The following TESPA1 variants were observed in gnomAD, a reference collection of about 807,000 sequenced individuals.
TESPA1 encodes the protein thymocyte expressed, positive selection associated 1.
A neutral mutation model predicts 57.9 loss-of-function variants in TESPA1; 33 were observed. That is an observed-to-expected ratio of 0.57 (90% CI 0.43 to 0.76). The LOEUF (loss-of-function observed/expected upper bound fraction) is 0.76. TESPA1 is among the 30% of genes least tolerant of loss of function. TESPA1 has a pLI of 0.00. For synonymous variants in TESPA1, 227 were observed against 228.9 expected (o/e 0.99, Z 0.07); for missense variants, 618 against 632.9 (o/e 0.98, Z 0.25).
In TESPA1 at chr12:54,962,860, G is replaced by C. The variant is rs1053164573; in HGVS notation, c.1038C>G (p.Pro346=). ...LGQFSQEDPV[P]PAEGKKLPTS... ...TGGGCAACTTCTTACCCTCAGCAGG[G>C]GGCACAGGATCTTCCTGTGAGAATT... The change falls in exon 9 of 11, where the codon CCC becomes CCG. Residue 346 remains proline (P), a synonymous_variant. Coordinates refer to ENST00000449076, the MANE Select transcript of TESPA1 (RefSeq NM_001136030.3). The C allele has an allele frequency of 6.2e-7, 1 of 1,613,600 alleles. No individual in the cohort carries two copies.
At chr12:54,957,166 T>C (rs931384637) in intron 10 of TESPA1, among the ~76,000 whole-genome samples, 8 of 152,184 alleles carry the variant, frequency 5.3e-5, no homozygotes, top group African/African-American at 1.9e-4. Flanking sequence ...AGTTTTTGGA[T>C]GGCAAGCTCA....
At chr12:54,963,983 A>C (rs927242548) in intron 7 of TESPA1, 33 bp from the exon 8 acceptor site, 1 of 1,596,392 alleles carries the variant, frequency 6.3e-7, no homozygotes, top group African/African-American at 1.3e-5. Context: ...AATAAGGGAC[A>C]ACTTTGAGAC....
intron 1 of TESPA1, among the ~76,000 whole-genome samples, chr12:54,976,329 A>G (rs1202603583): frequency 6.6e-6 from 1 of 152,212 alleles, no homozygotes; most frequent in African/African-American, 2.4e-5. Flanking sequence ...GTGATCCAAA[A>G]TATTTAAGAG....
intron 10 of TESPA1, among the ~76,000 whole-genome samples, chr12:54,955,466 AT>A (rs368831981): frequency 6.6e-6 from 1 of 151,910 alleles, no homozygotes; most frequent in African/African-American, 2.4e-5. Context: ...TATGAGGTTT[AT>A]TTTTTTCTTT....
chr12:54,961,092 TAA>T lies in TESPA1; in HGVS notation c.*1+74_*1+75del, dbSNP rs5798332. ...AATGTGGGACCCTTTATTATGGGTT[TAA>T]AAAAAAAAAACCTTCCTCATTTGAT... On this transcript the variant is annotated intron_variant, in intron 10 of 10. Transcript: ENST00000449076. 1,690 of 1,276,746 alleles carry T rather than the reference TAA, an allele frequency of 1.3e-3. 1 individual carries two copies. Among genetic ancestry groups the T allele is most frequent in the East Asian group, 8.3e-3 (269 of 32,252 alleles). The allele number at this position is 1,276,746 out of a possible 1,614,324, so 79.1% of individuals were successfully genotyped here. A position where few individuals can be genotyped will look rare whatever the true frequency, so the allele number is the denominator to read the frequency against.
chr12:54,949,557 G>A lies in TESPA1; in HGVS notation c.*835C>T, dbSNP rs916846637. ...CTAAGAGAGCACTGCATGTGCTCAA[G>A]CCCTGTTTATTGACAAAACATTTAA... On this transcript the variant is annotated 3_prime_UTR_variant, in exon 11 of 11. Transcript: ENST00000449076. 1 of 152,196 alleles carries A rather than the reference G, an allele frequency of 6.6e-6. No homozygotes were observed. Among genetic ancestry groups the A allele is most frequent in the African/African-American group, 2.4e-5 (1 of 41,394 alleles). 9.4% of individuals were successfully genotyped at this position (152,196 alleles called of 1,614,324 possible). A position where few individuals can be genotyped will look rare whatever the true frequency, so the allele number is the denominator to read the frequency against.
rs1030987436 is a variant in TESPA1, at chr12:54,961,106, CT to C, written c.*1+61del. On this transcript the variant is annotated intron_variant, in intron 10 of 10. Transcript: ENST00000449076. ...TATTATGGGTTTAAAAAAAAAAAAC[CT>C]TCCTCATTTGATTACAATGTGCAGC... 2.7e-5 allele frequency: 43 copies of C among 1,583,858 alleles called. No homozygotes were observed. The African/African-American group carries it at 5.3e-4, about 19-fold the overall frequency.
At chr12:54,959,692 G>A (rs368374974) in intron 10 of TESPA1, among the ~76,000 whole-genome samples, 1 of 152,158 alleles carries the variant, frequency 6.6e-6, no homozygotes, top group East Asian at 1.9e-4. Flanking sequence ...CTAATTTGAG[G>A]AGAAGTGGTT....
chr12:54,968,530 C>G (rs1404792375), intron 3 of TESPA1, among the ~76,000 whole-genome samples: 5 of 152,214 alleles, frequency 3.3e-5, no homozygotes, highest in Non-Finnish European at 5.9e-5. Context: ...AAGAAATTCT[C>G]TCTGTCCAAA....
At chr12:54,975,999 A>G (rs901670397) in intron 1 of TESPA1, among the ~76,000 whole-genome samples, 5 of 152,224 alleles carry the variant, frequency 3.3e-5, no homozygotes, top group Non-Finnish European at 5.9e-5. Context: ...AGTTAGCACT[A>G]TGAGACTTTG....
chr12:54,968,546 T>C (rs1407963730), intron 3 of TESPA1, among the ~76,000 whole-genome samples: 2 of 152,092 alleles, frequency 1.3e-5, no homozygotes, highest in Non-Finnish European at 2.9e-5. Context: ...CCAAAACAGG[T>C]GTGTGAAGTA....
intron 10 of TESPA1, among the ~76,000 whole-genome samples, chr12:54,954,093 CA>C: frequency 6.6e-6 from 1 of 152,216 alleles, no homozygotes; most frequent in African/African-American, 2.4e-5. Flanking sequence ...CATAAAGGGT[CA>C]AGGCACACAG....
In TESPA1 at chr12:54,970,137, T is replaced by C. The variant is rs140786264; in HGVS notation, c.207-2245A>G. Among the ~76,000 whole-genome samples, 301 of 152,196 alleles carry C rather than the reference T, an allele frequency of 2.0e-3. 2 individuals carry two copies. Among genetic ancestry groups the C allele is most frequent in the Non-Finnish European group, 3.8e-3 (256 of 68,002 alleles). On this transcript the variant is annotated intron_variant, in intron 3 of 10. Coordinates refer to ENST00000449076, the MANE Select transcript of TESPA1 (RefSeq NM_001136030.3). ...TTTCCTTGTAGAGATGGAGGACTGG[T>C]ACATTGCCCAGGGTGGTCTTGAACT...
Position 54,961,083 on chromosome 12 carries a change from T to C in TESPA1, c.*1+85A>G, listed in dbSNP as rs557714431. ...GAATTACAGAATGTGGGACCCTTTA[T>C]TATGGGTTTAAAAAAAAAAAACCTT... On this transcript the variant is annotated intron_variant, in intron 10 of 10. Coordinates refer to ENST00000449076, the MANE Select transcript of TESPA1 (RefSeq NM_001136030.3). 6.8e-6 allele frequency: 10 copies of C among 1,471,796 alleles called. No homozygotes were observed. In the South Asian group the frequency reaches 1.2e-4, roughly 17 times the overall value. The allele number at this position is 1,471,796 out of a possible 1,614,324, so 91.2% of individuals were successfully genotyped here.
intron 3 of TESPA1, among the ~76,000 whole-genome samples, chr12:54,970,908 G>C (rs1329057300): frequency 6.6e-6 from 1 of 152,194 alleles, no homozygotes; most frequent in Non-Finnish European, 1.5e-5. Context: ...CCACACAGAT[G>C]ATTTTTGGGC....
chr12:54,973,350 C>T (rs1951958238), intron 3 of TESPA1, 127 bp downstream of exon 3: 1 of 1,388,096 alleles, frequency 7.2e-7, no homozygotes, highest in African/African-American at 1.4e-5. Context: ...ACCACCATCT[C>T]AACCTTACTT....
intron 7 of TESPA1, among the ~76,000 whole-genome samples, chr12:54,964,841 C>T (rs1951323449): frequency 6.6e-6 from 1 of 152,194 alleles, no homozygotes; most frequent in African/African-American, 2.4e-5. Context: ...CAGTGCTTCT[C>T]AACCATGGCT....
chr12:54,955,049 C>A (rs771655192), intron 10 of TESPA1, among the ~76,000 whole-genome samples: 4 of 152,226 alleles, frequency 2.6e-5, no homozygotes, highest in Non-Finnish European at 4.4e-5. Flanking sequence ...TACATTCTTA[C>A]CAACAGTGTA....
intron 3 of TESPA1, among the ~76,000 whole-genome samples, chr12:54,970,003 T>C (rs1006045943): frequency 6.6e-6 from 1 of 152,198 alleles, no homozygotes. Flanking sequence ...AATAGCTCAC[T>C]GTAGCCTTGA....
Sources: allele counts gnomAD v4.1 joint callset (sites outside exome capture counted in the v4.1 genomes callset), GRCh38; gene constraint gnomAD v4.1.1; transcripts MANE v1.5; gene names NCBI Gene and HGNC (gene_info 2026-07-23, HGNC 2026-07-21).